Variants in NAV1 observed in about 807,000 individuals in gnomAD.
The protein encoded by NAV1 is neuron navigator 1.
In NAV1, 18 loss-of-function variants were observed where a neutral mutation model predicts 175.2. The ratio of observed to expected loss-of-function variants is 0.10; its 90% CI spans 0.07 to 0.15. The LOEUF is 0.15. Among genes scored for constraint, NAV1 ranks in the 10% least tolerant of loss-of-function variants. The pLI is 1.00. For missense variants in NAV1, 1,731 were observed against 2,436.6 expected, an observed-to-expected ratio of 0.71 and a Z score of 6.10; for synonymous variants, 897 against 978.7, an observed-to-expected ratio of 0.92 and a Z score of 1.56.
rs578099828 is a variant in NAV1 at position 201,745,072 on chromosome 1, T to C, written c.1226+26317T>C. ...GCAGAATCGAATAATTCTACACTTGTGGAGCATGTGTAGGATGTGAGAATT... is the reference window on the plus strand; with the variant it reads ...GCAGAATCGAATAATTCTACACTTGCGGAGCATGTGTAGGATGTGAGAATT... On this transcript the variant is annotated intron_variant, in intron 3 of 29. Transcript: ENST00000367296. 2.9e-3 allele frequency among the ~76,000 whole-genome samples: 449 copies of C among 152,298 alleles called. 4 individuals are homozygous for C. The highest frequency in any genetic ancestry group is 3.6e-3 in the Non-Finnish European group (242 of 68,018).
In NAV1 at chr1:201,790,677, T is replaced by C; in HGVS notation, c.3244-12T>C. 1 of 1,614,174 alleles carries C rather than the reference T, an allele frequency of 6.2e-7. No individual in the cohort carries two copies. Among genetic ancestry groups the C allele is most frequent in the East Asian group, 2.2e-5 (1 of 44,870 alleles). On this transcript the variant is annotated splice_polypyrimidine_tract_variant and intron_variant, in intron 12 of 29. Transcript: ENST00000367296. Reference sequence around the variant, plus strand: ...CTGCAGCCAGTAGTTTGTATTTCTCTTCCTTTTACAGCAAATCCGGAAGCT... The same window carrying C: ...CTGCAGCCAGTAGTTTGTATTTCTCCTCCTTTTACAGCAAATCCGGAAGCT...
intron 2 of NAV1, among the ~76,000 whole-genome samples, chr1:201,641,671 T>C (rs1347014254): frequency 6.6e-6 from 1 of 152,120 alleles, no homozygotes; most frequent in African/African-American, 2.4e-5. Context: ...AGAAAACGTA[T>C]AGAAAATGCT....
chr1:201,539,534 G>C lies in NAV1; in HGVS notation c.-144+192G>C, dbSNP rs1265762912. On this transcript the variant is annotated intron_variant, in intron 1 of 33. Transcript: ENST00000685211. The surrounding 1 kb of genome is among the most constrained non-coding windows in gnomAD (Gnocchi z 5.6). The stretch of plus-strand genomic sequence containing the variant: ...AATAAATAACAACCAAGATGCTCGC[G>C]GCTTCCCGGGAAGGTGTGTGCCCTT... 1.3e-5 allele frequency among the ~76,000 whole-genome samples: 2 copies of C among 152,076 alleles called. No homozygotes were observed. Among genetic ancestry groups the C allele is most frequent in the African/African-American group, 4.8e-5 (2 of 41,412 alleles).
At chr1:201,627,812 T>C (rs1158583854) in intron 1 of NAV1, among the ~76,000 whole-genome samples, 1 of 152,018 alleles carries the variant, frequency 6.6e-6, no homozygotes, top group Non-Finnish European at 1.5e-5. Flanking sequence ...TCTTTCTTTA[T>C]CCCCTTGGCA....
intron 1 of NAV1, among the ~76,000 whole-genome samples, chr1:201,674,449 C>T (rs1670166142): frequency 6.6e-6 from 1 of 152,060 alleles, no homozygotes; most frequent in Non-Finnish European, 1.5e-5. Context: ...TTGCTGGTAC[C>T]AGGAGCCCTC....
rs563660125 is a variant in NAV1 at position 201,638,614 on chromosome 1, T to A, written c.4+9107T>A. Among the ~76,000 whole-genome samples the A allele has an allele frequency of 2.0e-5, 3 of 152,322 alleles. No individual in the cohort carries two copies. The South Asian group carries it at 6.2e-4, about 32-fold the overall frequency. ...ACATGCAGTTATTATATTAAGCAAG[T>A]CTCTAGAAATAGCTGCATGGTAATA... On this transcript the variant is annotated intron_variant, in intron 2 of 29. Transcript: ENST00000367302.
chr1:201,658,535 C>A (rs1020861532), intron 1 of NAV1, among the ~76,000 whole-genome samples: 3 of 152,040 alleles, frequency 2.0e-5, no homozygotes, highest in Admixed American at 1.3e-4. Context: ...TGAGTCCTGT[C>A]TGGCTTAGAG....
chr1:201,606,094 C>T (rs940568099), intron 2 of NAV1, among the ~76,000 whole-genome samples: 3 of 152,188 alleles, frequency 2.0e-5, no homozygotes, highest in Non-Finnish European at 4.4e-5. Flanking sequence ...ATATTCACCA[C>T]ATGGCTATGG....
intron 1 of NAV1, among the ~76,000 whole-genome samples, chr1:201,567,759 A>G (rs1245596888): frequency 6.6e-6 from 1 of 152,072 alleles, no homozygotes; most frequent in African/African-American, 2.4e-5. Context: ...CCCATGAGAG[A>G]CTATGGCTTT....
chr1:201,826,738 G>A (rs535824042), exon 30 of NAV1: 1 of 152,286 alleles, frequency 6.6e-6, no homozygotes, highest in East Asian at 1.9e-4. Context: ...GTTGTATATA[G>A]TTGCGGTAAC....
intron 13 of NAV1, chr1:201,793,024 C>G (rs1250540260): frequency 6.6e-6 from 1 of 152,360 alleles, no homozygotes; most frequent in East Asian, 1.9e-4. Flanking sequence ...CCCAAGTGCT[C>G]CCCTTTCTAG....
chr1:201,697,212 T>C (rs528255545), intron 1 of NAV1, among the ~76,000 whole-genome samples: 53 of 152,086 alleles, frequency 3.5e-4, no homozygotes, highest in African/African-American at 1.3e-3. Flanking sequence ...TGGGGGGGCA[T>C]GTTGGTGGCA....
In NAV1 at chr1:201,781,063, T is replaced by C. The variant is rs764551413; in HGVS notation, c.1417T>C (p.Phe473Leu). 11 of 1,613,920 alleles carry C rather than the reference T, an allele frequency of 6.8e-6. No homozygotes were observed. In the East Asian group the frequency reaches 2.5e-4, roughly 36 times the overall value. ...ACTGGCAGAAAGTGGGCTGAGCTGG[T>C]TTAGTGAATCAGAGGAGAAAGCCCC... The change falls in exon 5 of 30, where the codon TTT becomes CTT. Residue 473 changes from phenylalanine (F) to leucine (L), a missense_variant. Phe to Leu is a conservative substitution (Grantham distance 22). Transcript: ENST00000367296.
chr1:201,635,427 C>T (rs958981103), intron 2 of NAV1, among the ~76,000 whole-genome samples: 3 of 152,180 alleles, frequency 2.0e-5, no homozygotes, highest in African/African-American at 7.2e-5. Flanking sequence ...ACAAAATAGG[C>T]AAAGACTTCT....
At chr1:201,642,939 TTTTG>T (rs1337891676) in intron 2 of NAV1, among the ~76,000 whole-genome samples, 2 of 151,436 alleles carry the variant, frequency 1.3e-5, no homozygotes, top group African/African-American at 2.4e-5. Flanking sequence ...CTAGCTAATT[TTTTG>T]TTTGTTTGTT....
chr1:201,603,281 G>A (rs1483634813), intron 2 of NAV1, among the ~76,000 whole-genome samples: 2 of 152,182 alleles, frequency 1.3e-5, no homozygotes, highest in Non-Finnish European at 2.9e-5. Flanking sequence ...CCTGCCTGCA[G>A]TAACTCAAGT....
intron 24 of NAV1, 81 bp from the exon 29 acceptor site, chr1:201,811,522 G>A: frequency 1.3e-6 from 2 of 1,553,506 alleles, no homozygotes; most frequent in Admixed American, 3.4e-5. Context: ...GATCTAGTAA[G>A]ACTTCTTCAA....
At chr1:201,624,336 C>CTTTTTTTTTTTT (rs1188885818) in intron 1 of NAV1, among the ~76,000 whole-genome samples, 2 of 79,444 alleles carry the variant, frequency 2.5e-5, no homozygotes, top group African/African-American at 5.4e-5. Flanking sequence ...GTCAACTACG[C>CTTTTTTTTTTTT]TTTTTTTTTT....
intron 1 of NAV1, among the ~76,000 whole-genome samples, chr1:201,550,152 T>TA (rs1352716463): frequency 1.3e-5 from 2 of 151,874 alleles, no homozygotes; most frequent in Non-Finnish European, 2.9e-5. Flanking sequence ...TGTTGTAATT[T>TA]AAAAAAAATT....
Sources: gnomAD v4.1 joint callset for allele counts (sites outside exome capture counted in the v4.1 genomes callset) on GRCh38, gnomAD v4.1.1 for gene constraint, Gnocchi (gnomAD v3.1) non-coding constraint, MANE v1.5 for transcripts, NCBI Gene and HGNC (gene_info 2026-07-23, HGNC 2026-07-21) for gene names.